DMGDH: variants seen among roughly 807,000 people sequenced by gnomAD.
The protein encoded by DMGDH is dimethylglycine dehydrogenase, also known as dimethylglycine dehydrogenase, mitochondrial.
In DMGDH, 76 loss-of-function variants were observed where a neutral mutation model predicts 95.2. That is an observed-to-expected ratio of 0.80 (90% confidence interval 0.66 to 0.97). The LOEUF (loss-of-function observed/expected upper bound fraction) is 0.97, where lower values mean the gene tolerates loss of function less well. Ranked by LOEUF, DMGDH falls within the 50% of genes least tolerant of loss-of-function variation. The probability of loss-of-function intolerance (pLI) is 0.00; values close to 1 mark genes in which losing one functional copy is unlikely to be tolerated. For missense variants in DMGDH, 987 were observed against 1,055.0 expected (o/e 0.94, Z 0.89); for synonymous variants, 345 against 377.6 (o/e 0.91, Z 1.00).
intron 14 of DMGDH, among the ~76,000 whole-genome samples, chr5:79,009,128 G>T (rs1753598136): frequency 1.3e-5 from 2 of 152,048 alleles, no homozygotes; most frequent in African/African-American, 4.8e-5. Context: ...TATTTTGAAT[G>T]AATTTACTAT....
intron 12 of DMGDH, 59 bp from the exon 13 acceptor site, chr5:79,026,640 T>G: frequency 6.2e-7 from 1 of 1,609,168 alleles, no homozygotes; most frequent in Non-Finnish European, 8.5e-7. Flanking sequence ...AGATCTAATG[T>G]GCATTAGCTA....
intron 2 of DMGDH, among the ~76,000 whole-genome samples, chr5:79,057,560 T>C (rs186405140): frequency 8.2e-4 from 125 of 152,010 alleles, no homozygotes; most frequent in African/African-American, 2.7e-3. Context: ...AGCTTATAGG[T>C]CATCCAGTAG....
Position 79,026,639 on chromosome 5 carries a change from G to A in DMGDH, c.2033-58C>T. 3.7e-6 allele frequency: 6 copies of A among 1,609,698 alleles called. No homozygotes were observed. The South Asian group carries it at 6.6e-5, about 18-fold the overall frequency. ...AAGAACAATGATCACTAGATCTAAT[G>A]TGCATTAGCTAGAACACATATAAGC... On this transcript the variant is annotated intron_variant, in intron 12 of 15. Transcript: ENST00000255189.
intron 14 of DMGDH, chr5:79,021,696 A>G: frequency 7.7e-7 from 1 of 1,297,772 alleles, no homozygotes; most frequent in Non-Finnish European, 1.0e-6. Flanking sequence ...CATAAAACAC[A>G]AAATTAGTTA....
intron 9 of DMGDH, among the ~76,000 whole-genome samples, chr5:79,031,317 T>G (rs1754170667): frequency 6.6e-6 from 1 of 152,124 alleles, no homozygotes; most frequent in Non-Finnish European, 1.5e-5. Context: ...AGTCTGGTGG[T>G]TTTCAACTCT....
intron 2 of DMGDH, among the ~76,000 whole-genome samples, chr5:79,057,591 G>C (rs941194251): frequency 6.6e-6 from 1 of 151,890 alleles, no homozygotes; most frequent in Non-Finnish European, 1.5e-5. Flanking sequence ...TGTGGAAGTA[G>C]AGAAGGGATT....
In DMGDH at chr5:79,032,842, T is replaced by A. The variant is rs766660104; in HGVS notation, c.1364-2A>T. 1.6e-5 allele frequency: 26 copies of A among 1,613,842 alleles called. No individual in the cohort carries two copies. The highest frequency in any genetic ancestry group is 2.1e-5 in the Non-Finnish European group (25 of 1,179,988). ...ACCGTTCTTCTTTAGGATAACCAAC[T>A]GAAAAGGAAAAATTGGTACTTTAAA... On this transcript the variant is annotated splice_acceptor_variant, in intron 8 of 15. Coordinates refer to ENST00000255189, the MANE Select transcript of DMGDH (RefSeq NM_013391.3). LOFTEE classifies it high-confidence loss of function.
intron 5 of DMGDH, among the ~76,000 whole-genome samples, chr5:79,048,482 T>G (rs1754743903): frequency 6.6e-6 from 1 of 152,236 alleles, no homozygotes; most frequent in East Asian, 1.9e-4. Flanking sequence ...CATATTTCAG[T>G]GCTGGTCTGA....
intron 5 of DMGDH, among the ~76,000 whole-genome samples, chr5:79,044,916 C>A (rs550525221): frequency 1.9e-4 from 29 of 152,180 alleles, no homozygotes; most frequent in Non-Finnish European, 3.8e-4. Context: ...CGTAACAAGA[C>A]TGCCCATATT....
chr5:79,042,192 C>A, intron 7 of DMGDH, 91 bp downstream of exon 7: 1 of 1,231,796 alleles, frequency 8.1e-7, no homozygotes, highest in South Asian at 1.3e-5. Context: ...CAGCCTCCCA[C>A]ATTTCCCTTT....
At chr5:79,052,984 C>T (rs973148772) in intron 4 of DMGDH, among the ~76,000 whole-genome samples, 5 of 152,144 alleles carry the variant, frequency 3.3e-5, no homozygotes, top group Admixed American at 2.6e-4. Flanking sequence ...ATCTGATACA[C>T]TTGGGCAAGA....
intron 2 of DMGDH, among the ~76,000 whole-genome samples, chr5:79,057,878 C>A (rs1487783107): frequency 6.6e-6 from 1 of 152,130 alleles, no homozygotes; most frequent in Non-Finnish European, 1.5e-5. Flanking sequence ...TCCTCAAGAT[C>A]CTGTAAGCTT....
At chr5:79,009,047 T>C (rs1389387916) in intron 14 of DMGDH, among the ~76,000 whole-genome samples, 2 of 152,196 alleles carry the variant, frequency 1.3e-5, no homozygotes, top group Non-Finnish European at 2.9e-5. Context: ...TAGAAAGCAC[T>C]CTAAATAAAG....
intron 14 of DMGDH, among the ~76,000 whole-genome samples, chr5:79,014,194 G>C (rs1284716351): frequency 1.3e-5 from 2 of 152,170 alleles, no homozygotes; most frequent in African/African-American, 4.8e-5. Context: ...TAGTTCCTAA[G>C]CCAGGCAAGT....
intron 14 of DMGDH, chr5:79,020,741 G>C (rs1753843572): frequency 1.0e-6 from 1 of 984,142 alleles, no homozygotes; most frequent in South Asian, 4.7e-5. Context: ...AGGGGAAGGA[G>C]AGAGAAAAAG....
chr5:79,025,399 T>G (rs1241688601), intron 13 of DMGDH, among the ~76,000 whole-genome samples: 1 of 152,156 alleles, frequency 6.6e-6, no homozygotes, highest in East Asian at 1.9e-4. Flanking sequence ...GAGAATCCCC[T>G]AATAGGGGAT....
At chr5:79,033,710 C>T (rs894345005) in intron 7 of DMGDH, among the ~76,000 whole-genome samples, 4 of 152,142 alleles carry the variant, frequency 2.6e-5, no homozygotes, top group African/African-American at 4.8e-5. Flanking sequence ...TTGGAAGGAT[C>T]GTTTGAGACC....
Position 79,069,658 on chromosome 5 carries a change from A to T in DMGDH, c.-38T>A, listed in dbSNP as rs1755499428. 10 of 1,298,160 alleles carry T rather than the reference A, an allele frequency of 7.7e-6. No individual in the cohort carries two copies. The South Asian group carries it at 2.2e-4, about 28-fold the overall frequency. The allele number at this position is 1,298,160 out of a possible 1,614,324, so 80.4% of individuals were successfully genotyped here. On this transcript the variant is annotated 5_prime_UTR_variant, in exon 1 of 16. Coordinates refer to ENST00000255189, the MANE Select transcript of DMGDH (RefSeq NM_013391.3). Reference sequence around the variant, plus strand: ...GCCGAGGGCGCAGGCGCCTGCTCCGAGGCCAGCGGGCAGCCTGAGGCCGCG... The same window carrying T: ...GCCGAGGGCGCAGGCGCCTGCTCCGTGGCCAGCGGGCAGCCTGAGGCCGCG...
chr5:79,047,386 A>G (rs1191487385), intron 5 of DMGDH, among the ~76,000 whole-genome samples: 1 of 152,232 alleles, frequency 6.6e-6, no homozygotes, highest in East Asian at 1.9e-4. Flanking sequence ...TTTGACGCAG[A>G]GTATCAGGCA....
Sources: allele counts gnomAD v4.1 joint callset (sites outside exome capture counted in the v4.1 genomes callset), GRCh38; gene constraint gnomAD v4.1.1; transcripts MANE v1.5; gene names NCBI Gene and HGNC (gene_info 2026-07-23, HGNC 2026-07-21).